KLF7: variants seen among roughly 807,000 people sequenced by gnomAD.
KLF7 encodes KLF transcription factor 7, also known as Krueppel-like factor 7.
KLF7 carries 2 observed loss-of-function variants against 27.3 expected under a neutral mutation model. That is an observed-to-expected ratio of 0.07 (90% CI 0.03 to 0.23). The LOEUF is 0.23. Ranked by LOEUF, KLF7 falls within the 10% of genes least tolerant of loss-of-function variation. The pLI, the probability that KLF7 is intolerant of heterozygous loss-of-function variation, is 1.00. For missense variants in KLF7, 221 were observed against 394.1 expected (o/e 0.56, Z 3.72); for synonymous variants, 165 against 162.4 (o/e 1.02, Z -0.12).
rs2076267373 is a variant in KLF7 at position 207,081,343 on chromosome 2, T to C, written c.858-79A>G. Reference sequence around the variant, plus strand: ...TTGCATCACTCCTTAGGAAATGATTTCCCTTACTTTAAACAGAGACAGTGC... The same window carrying C: ...TTGCATCACTCCTTAGGAAATGATTCCCCTTACTTTAAACAGAGACAGTGC... On this transcript the variant is annotated intron_variant, in intron 3 of 3. Coordinates refer to ENST00000309446, the MANE Select transcript of KLF7 (RefSeq NM_003709.4). The C allele has an allele frequency of 3.3e-6, 4 of 1,225,122 alleles. No individual in the cohort carries two copies. The East Asian group carries it at 9.3e-5, about 28-fold the overall frequency. 75.9% of individuals were successfully genotyped at this position (1,225,122 alleles called of 1,614,324 possible). A position where few individuals can be genotyped will look rare whatever the true frequency, so the allele number is the denominator to read the frequency against.
chr2:207,147,666 C>A (rs768720663), intron 1 of KLF7, among the ~76,000 whole-genome samples: 16 of 152,150 alleles, frequency 1.1e-4, no homozygotes, highest in Admixed American at 3.3e-4. Context: ...CCCCTATTTT[C>A]TAGGTGTTCT....
At chr2:207,136,044 C>T (rs565728657) in intron 1 of KLF7, among the ~76,000 whole-genome samples, 1 of 152,270 alleles carries the variant, frequency 6.6e-6, no homozygotes, top group East Asian at 1.9e-4. Flanking sequence ...GAACAAAACG[C>T]TATTTTCAAC....
upstream of KLF7, chr2:207,166,072 C>G: frequency 1.1e-6 from 1 of 899,264 alleles, no homozygotes; most frequent in Non-Finnish European, 1.3e-6. Flanking sequence ...AGTTTGTAGT[C>G]TTCCCCCTCC....
chr2:207,115,426 T>G (rs1285835860), intron 2 of KLF7, among the ~76,000 whole-genome samples: 5 of 152,206 alleles, frequency 3.3e-5, no homozygotes, highest in Admixed American at 2.0e-4. Flanking sequence ...CTTAAATAAT[T>G]GAAGTGCTTT....
rs537850984 is a variant in KLF7, at chr2:207,128,385, A to T, written c.103-3981T>A. Among the ~76,000 whole-genome samples, 11 of 152,336 alleles carry T rather than the reference A, an allele frequency of 7.2e-5. No individual in the cohort carries two copies. In the South Asian group the frequency reaches 2.3e-3, roughly 32 times the overall value. On this transcript the variant is annotated intron_variant, in intron 1 of 3. Transcript: ENST00000309446. ...TACAGTAAAATTATGATTCAAAAAC[A>T]CAGAAGGAATGATGGAAATAGAAAA...
At chr2:207,158,614 CAAT>C (rs1353653690) in intron 1 of KLF7, among the ~76,000 whole-genome samples, 2 of 152,092 alleles carry the variant, frequency 1.3e-5, no homozygotes, top group African/African-American at 4.8e-5. Flanking sequence ...ATTTAAATGA[CAAT>C]AATTTTTATA....
rs1289194828 is a variant in KLF7, at chr2:207,075,716, A to G, written c.*5497T>C. On this transcript the variant is annotated 3_prime_UTR_variant, in exon 4 of 4. Transcript: ENST00000309446. ...TGTGGAAAGGAAGGGGAGGCTTCAAAAACATTAGACATTTATTTTTGCCTC... is the reference window on the plus strand; with the variant it reads ...TGTGGAAAGGAAGGGGAGGCTTCAAGAACATTAGACATTTATTTTTGCCTC... 1 of 152,194 alleles carries G rather than the reference A, an allele frequency of 6.6e-6. No homozygotes were observed. Among genetic ancestry groups the G allele is most frequent in the African/African-American group, 2.4e-5 (1 of 41,438 alleles). The allele number at this position is 152,194 out of a possible 1,614,324, so 9.4% of individuals were successfully genotyped here. A position where few individuals can be genotyped will look rare whatever the true frequency, so the allele number is the denominator to read the frequency against.
intron 1 of KLF7, among the ~76,000 whole-genome samples, chr2:207,151,215 T>C (rs775736379): frequency 1.1e-4 from 17 of 152,160 alleles, no homozygotes; most frequent in Non-Finnish European, 1.9e-4. Flanking sequence ...TGAAGCCCTG[T>C]GGAACTCAGC....
intron 2 of KLF7, among the ~76,000 whole-genome samples, chr2:207,092,715 T>A (rs934140527): frequency 3.3e-5 from 5 of 152,244 alleles, no homozygotes; most frequent in African/African-American, 1.2e-4. Context: ...ATCGTGATCA[T>A]CAGAATTGAC....
At chr2:207,121,599 C>T (rs779153700) in intron 2 of KLF7, 3 of 152,198 alleles carry the variant, frequency 2.0e-5, no homozygotes, top group Non-Finnish European at 4.4e-5. Flanking sequence ...CTCTTAAGTG[C>T]TCTGCGATAC....
intron 1 of KLF7, among the ~76,000 whole-genome samples, chr2:207,136,133 T>C (rs2077779677): frequency 6.6e-6 from 1 of 152,204 alleles, no homozygotes; most frequent in African/African-American, 2.4e-5. Flanking sequence ...ACCCCTTCCC[T>C]TTCCAGCAAA....
At chr2:207,132,857 T>C (rs1447535682) in intron 1 of KLF7, among the ~76,000 whole-genome samples, 1 of 152,202 alleles carries the variant, frequency 6.6e-6, no homozygotes, top group Non-Finnish European at 1.5e-5. Context: ...ATGTCTGTGA[T>C]CCTCAAAATT....
intron 1 of KLF7, among the ~76,000 whole-genome samples, chr2:207,147,629 G>A (rs2078132579): frequency 6.6e-6 from 1 of 152,112 alleles, no homozygotes; most frequent in Non-Finnish European, 1.5e-5. Flanking sequence ...CCTCTGCCAT[G>A]GCTCCCCTGG....
chr2:207,146,976 G>A (rs1158426423), intron 1 of KLF7, among the ~76,000 whole-genome samples: 1 of 152,176 alleles, frequency 6.6e-6, no homozygotes, highest in African/African-American at 2.4e-5. Flanking sequence ...GAAGGGGTTG[G>A]GCACAGGGAA....
chr2:207,102,839 C>T (rs749815075), intron 2 of KLF7, among the ~76,000 whole-genome samples: 16 of 152,242 alleles, frequency 1.1e-4, no homozygotes, highest in Middle Eastern at 6.8e-3. Flanking sequence ...ACTGTATTTC[C>T]AATCTCCTTT....
chr2:207,111,132 C>T (rs1332680532), intron 2 of KLF7, among the ~76,000 whole-genome samples: 3 of 152,230 alleles, frequency 2.0e-5, no homozygotes, highest in African/African-American at 7.2e-5. Context: ...AGAACCACCA[C>T]ATTAGGCAAC....
At chr2:207,118,500 G>A (rs983390654) in intron 2 of KLF7, among the ~76,000 whole-genome samples, 1 of 152,098 alleles carries the variant, frequency 6.6e-6, no homozygotes, top group African/African-American at 2.4e-5. Flanking sequence ...CTTAATAACA[G>A]GTTACTTTTA....
chr2:207,116,888 T>C (rs2077202007), intron 2 of KLF7, among the ~76,000 whole-genome samples: 1 of 152,110 alleles, frequency 6.6e-6, no homozygotes, highest in Non-Finnish European at 1.5e-5. Flanking sequence ...ACATCCCCCA[T>C]CCAAACTATA....
At chr2:207,144,688 G>A (rs538478545) in intron 1 of KLF7, among the ~76,000 whole-genome samples, 6 of 152,254 alleles carry the variant, frequency 3.9e-5, no homozygotes, top group African/African-American at 1.4e-4. Context: ...TTCCATATCT[G>A]TCATTTCAGG....
Sources: gnomAD v4.1 joint callset for allele counts (sites outside exome capture counted in the v4.1 genomes callset) on GRCh38, gnomAD v4.1.1 for gene constraint, MANE v1.5 for transcripts, NCBI Gene and HGNC (gene_info 2026-07-23, HGNC 2026-07-21) for gene names.